The following ADARB2 variants were observed in gnomAD, a reference collection of about 807,000 sequenced individuals.
ADARB2 encodes inactive double-stranded RNA-specific editase B2.
ADARB2 carries 25 observed loss-of-function variants against 62.2 expected under a neutral mutation model. The observed-to-expected ratio is 0.40, with a 90% CI of 0.29 to 0.56. ADARB2 has a LOEUF of 0.56. Among genes scored for constraint, ADARB2 ranks in the 20% least tolerant of loss-of-function variants. ADARB2 has a pLI of 0.43. For synonymous variants in ADARB2, 572 were observed against 500.8 expected, an observed-to-expected ratio of 1.14 and a Z score of -1.90; for missense variants, 1,071 against 1,077.4, an observed-to-expected ratio of 0.99 and a Z score of 0.08.
chr10:1,709,502 A>G (rs1834927393), intron 1 of ADARB2, among the ~76,000 whole-genome samples: 1 of 152,212 alleles, frequency 6.6e-6, no homozygotes, highest in Non-Finnish European at 1.5e-5. Context: ...GCTGCTGACT[A>G]TGATGTGGAA....
At chr10:1,695,046 G>A (rs960839407) in intron 1 of ADARB2, among the ~76,000 whole-genome samples, 15 of 152,158 alleles carry the variant, frequency 9.9e-5, no homozygotes, top group Admixed American at 3.3e-4. Context: ...TGGGCCCCCC[G>A]TGCCAGATAT....
chr10:1,688,135 G>C lies in ADARB2; in HGVS notation c.100+48916C>G, dbSNP rs554290424. On this transcript the variant is annotated intron_variant, in intron 1 of 9. Coordinates refer to ENST00000381312, the MANE Select transcript of ADARB2 (RefSeq NM_018702.4). ...GGCAGCAGGATGTGAGGGAGTCACT[G>C]TGCTGATTCGTATTTTTGGACATAA... Among the ~76,000 whole-genome samples, 30 of 152,368 alleles carry C rather than the reference G, an allele frequency of 2.0e-4. No homozygotes were observed. In the East Asian group the frequency reaches 2.1e-3, roughly 11 times the overall value.
chr10:1,224,322 T>C (rs1830724350), intron 6 of ADARB2, among the ~76,000 whole-genome samples: 1 of 152,190 alleles, frequency 6.6e-6, no homozygotes, highest in African/African-American at 2.4e-5. Context: ...TCTTTTCTTC[T>C]TTATTAGTCT....
chr10:1,573,756 A>T (rs1277008643), intron 1 of ADARB2, among the ~76,000 whole-genome samples: 1 of 152,136 alleles, frequency 6.6e-6, no homozygotes, highest in Non-Finnish European at 1.5e-5. Context: ...CAGCCCCTCA[A>T]GGCAAGATGA....
chr10:1,536,917 C>T (rs36013113), intron 1 of ADARB2, among the ~76,000 whole-genome samples: 8,837 of 152,198 alleles, frequency 0.058, 336 homozygotes, highest in Non-Finnish European at 0.082. Flanking sequence ...GACTTCATGA[C>T]GAAAATGCCA....
At chr10:1,266,350 T>G (rs1831200399) in intron 4 of ADARB2, among the ~76,000 whole-genome samples, 1 of 152,162 alleles carries the variant, frequency 6.6e-6, no homozygotes, top group Non-Finnish European at 1.5e-5. Flanking sequence ...TAAATGGCTG[T>G]GGTAGTTGGC....
chr10:1,189,620 AG>A (rs1156242079), intron 8 of ADARB2, among the ~76,000 whole-genome samples: 3 of 152,080 alleles, frequency 2.0e-5, no homozygotes, highest in African/African-American at 7.3e-5. Context: ...TCCCAAGGAC[AG>A]AGGGTGTCTG....
chr10:1,219,278 G>A (rs1395081110), intron 6 of ADARB2, among the ~76,000 whole-genome samples: 1 of 152,188 alleles, frequency 6.6e-6, no homozygotes, highest in Non-Finnish European at 1.5e-5. Context: ...TGTGAGAATG[G>A]ACTAATACAG....
intron 1 of ADARB2, among the ~76,000 whole-genome samples, chr10:1,598,771 G>T (rs12412159): frequency 6.6e-6 from 1 of 152,140 alleles, no homozygotes. Context: ...GCAAGCCAGG[G>T]AGAGCCCTGG....
At chr10:1,518,712 C>G (rs1259375091) in intron 1 of ADARB2, among the ~76,000 whole-genome samples, 10 of 151,970 alleles carry the variant, frequency 6.6e-5, no homozygotes, top group Non-Finnish European at 1.0e-4. Context: ...CGCATTCATT[C>G]CGTGTAATGT....
intron 1 of ADARB2, among the ~76,000 whole-genome samples, chr10:1,717,634 A>G (rs1489583291): frequency 2.0e-5 from 3 of 148,494 alleles, no homozygotes; most frequent in Admixed American, 6.8e-5. Flanking sequence ...CTGGAGTGCA[A>G]TGGCATGATC....
intron 1 of ADARB2, among the ~76,000 whole-genome samples, chr10:1,717,560 C>T (rs1041979463): frequency 3.4e-5 from 5 of 146,416 alleles, no homozygotes; most frequent in Non-Finnish European, 7.5e-5. Context: ...TTCCTTCCTT[C>T]GTTTTTCTTT....
intron 2 of ADARB2, among the ~76,000 whole-genome samples, chr10:1,374,305 T>G (rs909359789): frequency 9.2e-5 from 14 of 152,336 alleles, no homozygotes; most frequent in South Asian, 8.3e-4. Flanking sequence ...GGGAGGCATC[T>G]GCATGGGAAA....
chr10:1,293,352 AAGGGAGGG>A (rs1831494919), intron 3 of ADARB2, among the ~76,000 whole-genome samples: 1 of 137,876 alleles, frequency 7.3e-6, no homozygotes, highest in African/African-American at 2.7e-5. Context: ...GGAGAAAGAG[AAGGGAGGG>A]AGGAAGGGAA....
At chr10:1,353,245 C>G (rs1832161888) in intron 3 of ADARB2, among the ~76,000 whole-genome samples, 2 of 152,154 alleles carry the variant, frequency 1.3e-5, no homozygotes, top group African/African-American at 4.8e-5. Context: ...AAGTTCTATT[C>G]TTTCCCATTC....
rs1419256814 is a variant in ADARB2 at position 1,599,742 on chromosome 10, G to GT, written c.100+137308dup. On this transcript the variant is annotated intron_variant, in intron 1 of 9. Coordinates refer to ENST00000381312, the MANE Select transcript of ADARB2 (RefSeq NM_018702.4). Reference sequence around the variant, plus strand: ...TGTCTGGAAGCCTTTGTGAAACTTTGTTTTTTTTCTCTTTTTGAGACAGGG... The same window carrying GT: ...TGTCTGGAAGCCTTTGTGAAACTTTGTTTTTTTTTCTCTTTTTGAGACAGGG... 1.6e-4 allele frequency among the ~76,000 whole-genome samples: 25 copies of GT among 151,854 alleles called. 1 individual carries two copies. Among genetic ancestry groups the GT allele is most frequent in the East Asian group, 7.8e-4 (4 of 5,160 alleles).
At chr10:1,672,605 G>A (rs986485221) in intron 1 of ADARB2, among the ~76,000 whole-genome samples, 4 of 148,860 alleles carry the variant, frequency 2.7e-5, no homozygotes, top group East Asian at 2.1e-4. Flanking sequence ...CAAGCCCCGC[G>A]CCTGCCTCCC....
Position 1,378,858 on chromosome 10 carries a change from A to G in ADARB2, c.187+216T>C, listed in dbSNP as rs76164482. Among the ~76,000 whole-genome samples, 5 of 152,230 alleles carry G rather than the reference A, an allele frequency of 3.3e-5. No homozygotes were observed. In the East Asian group the frequency reaches 9.7e-4, roughly 29 times the overall value. ...GTGAGGACAGGACCTCAAATAAGAA[A>G]AGGATTCCAGCTGAGGACAGAATTG... On this transcript the variant is annotated intron_variant, in intron 2 of 9. Transcript: ENST00000381312.
In ADARB2 at chr10:1,668,841, C is replaced by G. The variant is rs74508749; in HGVS notation, c.100+68210G>C. ...ATAAAACAGTCCTCCCGTTGTGCTG[C>G]TCACAGGCTGCTTCTGTTACATCCA... is the stretch of plus-strand genomic sequence containing the variant. On this transcript the variant is annotated intron_variant, in intron 1 of 9. Transcript: ENST00000381312. 8.8e-3 allele frequency among the ~76,000 whole-genome samples: 1,340 copies of G among 152,366 alleles called. 16 individuals are homozygous for G. The highest frequency in any genetic ancestry group is 0.042 in the East Asian group (217 of 5,188).
Sources: gnomAD v4.1 joint callset for allele counts (sites outside exome capture counted in the v4.1 genomes callset) on GRCh38, gnomAD v4.1.1 for gene constraint, MANE v1.5 for transcripts, NCBI Gene and HGNC (gene_info 2026-07-23, HGNC 2026-07-21) for gene names.